Variants in SLC9B1 observed in about 807,000 individuals in gnomAD.
The protein encoded by SLC9B1 is solute carrier family 9 member B1, also known as sodium/hydrogen exchanger 9B1.
A neutral mutation model predicts 51.7 loss-of-function variants in SLC9B1; 32 were observed. That is an observed-to-expected ratio of 0.62 (90% confidence interval 0.47 to 0.83). The LOEUF (loss-of-function observed/expected upper bound fraction) is 0.83, where lower values mean the gene tolerates loss of function less well. Among genes scored for constraint, SLC9B1 ranks in the 40% least tolerant of loss-of-function variants. The pLI is 0.00. For missense variants in SLC9B1, 406 were observed against 613.2 expected (o/e 0.66, Z 3.57); for synonymous variants, 145 against 212.7 (o/e 0.68, Z 2.77).
At chr4:102,965,316 AG>A (rs1332475423) in intron 3 of SLC9B1, among the ~76,000 whole-genome samples, 3 of 152,176 alleles carry the variant, frequency 2.0e-5, no homozygotes, top group Non-Finnish European at 2.9e-5. Flanking sequence ...TGAGGGCTTT[AG>A]TAGTGCATCA....
chr4:102,904,068 T>G (rs1405736683), intron 11 of SLC9B1, among the ~76,000 whole-genome samples: 3 of 152,092 alleles, frequency 2.0e-5, no homozygotes, highest in Non-Finnish European at 4.4e-5. Context: ...TTTACTTTTT[T>G]TTTTTTTGGA....
intron 11 of SLC9B1, among the ~76,000 whole-genome samples, chr4:102,901,897 C>T (rs537839471): frequency 1.3e-5 from 2 of 152,140 alleles, no homozygotes; most frequent in Non-Finnish European, 2.9e-5. Context: ...CACTCTCTAA[C>T]CTTCTACTTA....
intron 1 of SLC9B1, among the ~76,000 whole-genome samples, chr4:103,004,170 T>A (rs1279150191): frequency 1.3e-5 from 2 of 152,046 alleles, no homozygotes; most frequent in Non-Finnish European, 2.9e-5. Flanking sequence ...TGAACCCCAA[T>A]GCAAGGATTC....
At chr4:102,946,308 GTTTGT>G (rs1737265341) in intron 5 of SLC9B1, among the ~76,000 whole-genome samples, 2 of 151,896 alleles carry the variant, frequency 1.3e-5, no homozygotes, top group African/African-American at 4.8e-5. Context: ...TCTTCTGTTT[GTTTGT>G]TTTGTTTTGT....
intron 6 of SLC9B1, 59 bp from the exon 7 acceptor site, chr4:102,932,358 A>G (rs1736502768): frequency 7.1e-7 from 1 of 1,399,736 alleles, no homozygotes; most frequent in Non-Finnish European, 9.9e-7. Context: ...AGTGTTTTAT[A>G]AGTACAAGTA....
intron 1 of SLC9B1, among the ~76,000 whole-genome samples, chr4:103,008,928 C>T (rs528538624): frequency 6.6e-6 from 1 of 151,400 alleles, no homozygotes; most frequent in Non-Finnish European, 1.5e-5. Flanking sequence ...GTCTCCCGAG[C>T]AGCTGGGACT....
intron 3 of SLC9B1, among the ~76,000 whole-genome samples, chr4:102,986,527 G>A (rs1394399154): frequency 6.6e-6 from 1 of 152,066 alleles, no homozygotes; most frequent in Non-Finnish European, 1.5e-5. Context: ...TTCATTTGTG[G>A]AAATTCCTAG....
At chr4:102,970,443 G>C (rs1041312198) in intron 3 of SLC9B1, among the ~76,000 whole-genome samples, 7 of 152,206 alleles carry the variant, frequency 4.6e-5, no homozygotes, top group African/African-American at 1.7e-4. Flanking sequence ...AATGCTGAGA[G>C]ATTTTGTTAC....
At chr4:102,977,623 CT>C (rs1389612225) in intron 3 of SLC9B1, among the ~76,000 whole-genome samples, 1 of 152,088 alleles carries the variant, frequency 6.6e-6, no homozygotes, top group Non-Finnish European at 1.5e-5. Flanking sequence ...TAATTATGAA[CT>C]TTTAGAACAC....
At chr4:102,962,673 G>C (rs1578384132) in intron 3 of SLC9B1, 1 of 468,338 alleles carries the variant, frequency 2.1e-6, no homozygotes, top group South Asian at 1.6e-5. Context: ...CTGATTGTAG[G>C]TGATACTGTG....
intron 1 of SLC9B1, among the ~76,000 whole-genome samples, chr4:102,993,728 GAT>G (rs763062478): frequency 7.9e-5 from 12 of 152,218 alleles, no homozygotes; most frequent in Non-Finnish European, 1.8e-4. Context: ...CTTCTGCCTG[GAT>G]ATCCAGGCAT....
chr4:102,940,259 CA>C (rs1276465627), intron 6 of SLC9B1, among the ~76,000 whole-genome samples: 2 of 152,108 alleles, frequency 1.3e-5, no homozygotes, highest in Non-Finnish European at 2.9e-5. Flanking sequence ...TCACAATAGC[CA>C]CAAAAAAACT....
intron 1 of SLC9B1, among the ~76,000 whole-genome samples, chr4:102,996,956 T>TA (rs1172682223): frequency 6.6e-6 from 1 of 151,498 alleles, no homozygotes; most frequent in Non-Finnish European, 1.5e-5. Context: ...CCAGCAATTT[T>TA]TTTTTTTTTA....
chr4:102,905,098 G>A (rs972540803), intron 11 of SLC9B1, among the ~76,000 whole-genome samples: 1 of 152,090 alleles, frequency 6.6e-6, no homozygotes, highest in Non-Finnish European at 1.5e-5. Flanking sequence ...AGGCTGCAGT[G>A]AGCTGTGATC....
chr4:102,928,161 C>T (rs1049513588), intron 7 of SLC9B1, among the ~76,000 whole-genome samples: 31 of 152,106 alleles, frequency 2.0e-4, no homozygotes, highest in Non-Finnish European at 4.3e-4. Context: ...ACCAACACGG[C>T]ACATGTATAC....
intron 3 of SLC9B1, among the ~76,000 whole-genome samples, chr4:102,985,972 CTAT>C (rs1374156123): frequency 2.0e-5 from 3 of 152,032 alleles, no homozygotes; most frequent in African/African-American, 7.2e-5. Context: ...TACATTATTG[CTAT>C]TATTAATTTG....
At position 102,975,434 on chromosome 4, in the gene SLC9B1, G is replaced by A. The variant is rs560391943; in HGVS notation, c.211+14366C>T. 2.6e-5 allele frequency among the ~76,000 whole-genome samples: 4 copies of A among 151,810 alleles called. No individual in the cohort carries two copies. In the East Asian group the frequency reaches 7.7e-4, roughly 29 times the overall value. On this transcript the variant is annotated intron_variant, in intron 3 of 11. Transcript: ENST00000296422. ...CTTTGTCATGAAGGCATAGACACAT[G>A]ATGAACACACTGCTACTGACATTAA...
intron 6 of SLC9B1, among the ~76,000 whole-genome samples, chr4:102,940,638 G>A (rs931352906): frequency 5.9e-5 from 9 of 152,134 alleles, no homozygotes; most frequent in Non-Finnish European, 1.2e-4. Context: ...GCTACAGTAA[G>A]CAAAACAGCA....
intron 1 of SLC9B1, among the ~76,000 whole-genome samples, chr4:103,008,422 CTTT>C (rs3974483): frequency 0.036 from 5,258 of 145,698 alleles, 131 homozygotes; most frequent in Middle Eastern, 0.076. Context: ...TCATTTGCTA[CTTT>C]TTTTTTTTTT....
Sources: gnomAD v4.1 joint callset for allele counts (sites outside exome capture counted in the v4.1 genomes callset) on GRCh38, gnomAD v4.1.1 for gene constraint, MANE v1.5 for transcripts, NCBI Gene and HGNC (gene_info 2026-07-23, HGNC 2026-07-21) for gene names.